CTNNA3: variants seen among roughly 807,000 people sequenced by gnomAD.
The protein encoded by CTNNA3 is catenin alpha 3, also known as catenin alpha-3.
Under a neutral mutation model 95.7 loss-of-function variants are expected in CTNNA3, and 76 were observed. The observed-to-expected ratio is 0.79, with a 90% confidence interval of 0.66 to 0.96. The LOEUF (loss-of-function observed/expected upper bound fraction) is 0.96. CTNNA3 is among the 40% of genes least tolerant of loss of function. The pLI, the probability that CTNNA3 is intolerant of heterozygous loss-of-function variation, is 0.00. For missense variants in CTNNA3, 1,191 were observed against 1,089.8 expected (o/e 1.09, Z -1.31); for synonymous variants, 431 against 374.4 (o/e 1.15, Z -1.74).
chr10:66,196,144 G>A (rs2086948231), intron 13 of CTNNA3, among the ~76,000 whole-genome samples: 1 of 152,112 alleles, frequency 6.6e-6, no homozygotes, highest in African/African-American at 2.4e-5. Flanking sequence ...GATATACAGA[G>A]TGTATTGTAA....
At chr10:67,546,806 T>C (rs1840857804) in intron 3 of CTNNA3, among the ~76,000 whole-genome samples, 1 of 152,194 alleles carries the variant, frequency 6.6e-6, no homozygotes, top group African/African-American at 2.4e-5. Context: ...CTAAAGTTAA[T>C]TTATCATTTT....
chr10:66,154,742 T>TATATATATATATATATATATATATA (rs2084398891), intron 13 of CTNNA3, among the ~76,000 whole-genome samples: 1 of 18,730 alleles, frequency 5.3e-5, no homozygotes, highest in East Asian at 1.3e-3. Flanking sequence ...ATATATATAT[T>TATATATATATATATATATATATATA]TCCCTTGAAC....
chr10:66,227,375 G>GTT (rs34919798), intron 13 of CTNNA3, among the ~76,000 whole-genome samples: 6,551 of 136,308 alleles, frequency 0.048, 475 homozygotes, highest in African/African-American at 0.16. Context: ...GTTAAGAGGT[G>GTT]TTTTTTTTTT....
intron 10 of CTNNA3, among the ~76,000 whole-genome samples, chr10:66,561,804 G>A (rs1466339424): frequency 1.3e-5 from 2 of 152,140 alleles, no homozygotes; most frequent in East Asian, 3.9e-4. Flanking sequence ...TATGAGAATA[G>A]GGATTTTTAC....
rs1315536095 is a variant in CTNNA3, at chr10:67,726,310, ATAT to A, written c.-2+37121_-2+37123del. On this transcript the variant is annotated intron_variant, in intron 1 of 17. Transcript: ENST00000684154. The stretch of plus-strand genomic sequence containing the variant: ...CATATTATATATGATATTATCTTAC[ATAT>A]TATATATATTATCTTACATATTATA... 1.5e-4 allele frequency among the ~76,000 whole-genome samples: 10 copies of A among 67,534 alleles called. No homozygotes were observed. The East Asian group carries it at 3.9e-3, about 27-fold the overall frequency. The allele number at this position is 67,534 out of a possible 152,430, so 44.3% of individuals were successfully genotyped here. A position where few individuals can be genotyped will look rare whatever the true frequency, so the allele number is the denominator to read the frequency against.
intron 5 of CTNNA3, among the ~76,000 whole-genome samples, chr10:67,324,736 A>G (rs549659490): frequency 1.2e-4 from 18 of 151,072 alleles, no homozygotes; most frequent in Admixed American, 1.1e-3. Flanking sequence ...TTTTGGTATC[A>G]GGATGATGCT....
chr10:67,483,753 T>A (rs1270684949), intron 5 of CTNNA3, among the ~76,000 whole-genome samples: 6 of 121,220 alleles, frequency 4.9e-5, no homozygotes, highest in Non-Finnish European at 3.5e-5. Context: ...AAACTTAAAG[T>A]ATAATAATAA....
At chr10:66,194,496 C>T (rs1232854022) in intron 13 of CTNNA3, among the ~76,000 whole-genome samples, 1 of 152,148 alleles carries the variant, frequency 6.6e-6, no homozygotes, top group African/African-American at 2.4e-5. Context: ...ATGAGAATCG[C>T]TTGAACACTG....
intron 1 of CTNNA3, among the ~76,000 whole-genome samples, chr10:67,737,475 C>G (rs1265405209): frequency 1.3e-5 from 2 of 151,862 alleles, no homozygotes; most frequent in East Asian, 3.9e-4. Flanking sequence ...CCAAAATTAC[C>G]AGAAGGAAAG....
chr10:66,178,785 T>G (rs914683862), intron 13 of CTNNA3, among the ~76,000 whole-genome samples: 2 of 151,834 alleles, frequency 1.3e-5, no homozygotes, highest in African/African-American at 4.8e-5. Context: ...AATATATGAA[T>G]AGTAAGCACA....
intron 11 of CTNNA3, among the ~76,000 whole-genome samples, chr10:66,435,476 A>G (rs1453683448): frequency 1.3e-5 from 2 of 151,872 alleles, no homozygotes; most frequent in African/African-American, 2.4e-5. Context: ...TTGTATTTCT[A>G]TAGTATTCTC....
At chr10:67,646,586 C>T (rs1253789822) in intron 2 of CTNNA3, among the ~76,000 whole-genome samples, 1 of 152,028 alleles carries the variant, frequency 6.6e-6, no homozygotes, top group Admixed American at 6.6e-5. Context: ...CCCCTCCCCA[C>T]ATCCATCTCA....
chr10:66,147,218 T>C (rs1022069843), intron 13 of CTNNA3, among the ~76,000 whole-genome samples: 2 of 152,146 alleles, frequency 1.3e-5, no homozygotes, highest in African/African-American at 4.8e-5. Context: ...TCTGTAATAG[T>C]GAACTTATCG....
At chr10:67,728,046 T>A (rs1841251891) in intron 1 of CTNNA3, among the ~76,000 whole-genome samples, 1 of 141,418 alleles carries the variant, frequency 7.1e-6, no homozygotes, top group Non-Finnish European at 1.5e-5. Flanking sequence ...ATAATTATAA[T>A]TATATATAAT....
chr10:66,766,636 A>G (rs536780317), intron 8 of CTNNA3, among the ~76,000 whole-genome samples: 5 of 152,338 alleles, frequency 3.3e-5, no homozygotes, highest in African/African-American at 1.2e-4. Context: ...CTTTCCTCTC[A>G]AAAGTAATTT....
intron 1 of CTNNA3, among the ~76,000 whole-genome samples, chr10:67,740,375 C>T (rs534124960): frequency 1.8e-4 from 28 of 151,540 alleles, no homozygotes; most frequent in African/African-American, 5.6e-4. Flanking sequence ...ACAGGCAACC[C>T]ACAAAATGGG....
intron 3 of CTNNA3, among the ~76,000 whole-genome samples, chr10:67,556,364 G>A (rs1841253124): frequency 6.6e-6 from 1 of 152,134 alleles, no homozygotes; most frequent in South Asian, 2.1e-4. Flanking sequence ...GTAGAATTCA[G>A]GTGTGAATCC....
At chr10:67,067,851 T>A (rs1745324406) in intron 7 of CTNNA3, among the ~76,000 whole-genome samples, 1 of 152,182 alleles carries the variant, frequency 6.6e-6, no homozygotes. Context: ...ATAAATGCAA[T>A]GAAATATGAC....
intron 7 of CTNNA3, among the ~76,000 whole-genome samples, chr10:67,052,234 C>A (rs1012938304): frequency 6.6e-6 from 1 of 152,084 alleles, no homozygotes; most frequent in African/African-American, 2.4e-5. Flanking sequence ...AAAATTCTGA[C>A]TGCAAAGCAC....
Sources: gnomAD v4.1 joint callset for allele counts (sites outside exome capture counted in the v4.1 genomes callset) on GRCh38, gnomAD v4.1.1 for gene constraint, MANE v1.5 for transcripts, NCBI Gene and HGNC (gene_info 2026-07-23, HGNC 2026-07-21) for gene names.